RARB: variants seen among roughly 807,000 people sequenced by gnomAD.
RARB encodes HBV-activated protein.
In RARB, 17 loss-of-function variants were observed where a neutral mutation model predicts 51.9. That is an observed-to-expected ratio of 0.33 (90% CI 0.22 to 0.49). The LOEUF (loss-of-function observed/expected upper bound fraction) is 0.49, where lower values mean the gene tolerates loss of function less well. RARB is among the 20% of genes least tolerant of loss of function. The pLI, the probability that RARB is intolerant of heterozygous loss-of-function variation, is 0.99. For missense variants in RARB, 369 were observed against 550.8 expected (o/e 0.67, Z 3.30); for synonymous variants, 215 against 195.4 (o/e 1.10, Z -0.84).
intron 5 of RARB, among the ~76,000 whole-genome samples, chr3:25,589,001 C>A (rs1026843270): frequency 1.3e-5 from 2 of 152,196 alleles, no homozygotes. Flanking sequence ...TTAAGCTCCA[C>A]CCCTTAAAGG....
intron 1 of RARB, among the ~76,000 whole-genome samples, chr3:24,844,180 A>G (rs1009116275): frequency 4.6e-5 from 7 of 152,176 alleles, no homozygotes; most frequent in Admixed American, 3.3e-4. Flanking sequence ...ACCCTTGCCC[A>G]ATGGGGAGGA....
intron 2 of RARB, among the ~76,000 whole-genome samples, chr3:24,859,036 CAA>C (rs1169235713): frequency 0.15 from 7,274 of 49,296 alleles, 53 homozygotes; most frequent in Non-Finnish European, 0.19. Flanking sequence ...GACTCTGTCT[CAA>C]AAAAAAAAAA....
chr3:24,896,346 G>A (rs1703478721), intron 2 of RARB, among the ~76,000 whole-genome samples: 1 of 152,120 alleles, frequency 6.6e-6, no homozygotes, highest in Non-Finnish European at 1.5e-5. Context: ...TGCAACCTCT[G>A]TCTTCCAGGT....
At chr3:25,171,400 T>C (rs1700641861) in intron 4 of RARB, among the ~76,000 whole-genome samples, 2 of 146,480 alleles carry the variant, frequency 1.4e-5, no homozygotes, top group Admixed American at 6.9e-5. Flanking sequence ...GCTCAGACAA[T>C]TTTCCACCAA....
rs138722302 is a variant in RARB at position 25,202,598 on chromosome 3, G to A, written c.178+28023G>A. On this transcript the variant is annotated intron_variant, in intron 5 of 11. Coordinates refer to the RARB transcript ENST00000383772. Reference sequence around the variant, plus strand: ...GTGCTATAAATTTCCCTCTACACACGGCTTTAAATGTGTCCCAGAGATTCT... The same window carrying A: ...GTGCTATAAATTTCCCTCTACACACAGCTTTAAATGTGTCCCAGAGATTCT... 4.3e-3 allele frequency among the ~76,000 whole-genome samples: 656 copies of A among 152,114 alleles called. 3 individuals are homozygous for A. The highest frequency in any genetic ancestry group is 0.015 in the African/African-American group (624 of 41,532).
At chr3:25,315,624 C>CT (rs1270497837) in intron 5 of RARB, among the ~76,000 whole-genome samples, 1 of 151,950 alleles carries the variant, frequency 6.6e-6, no homozygotes, top group South Asian at 2.1e-4. Flanking sequence ...CTCTGTTAAT[C>CT]TTTTTTTGAG....
chr3:25,575,594 A>G (rs937007872), intron 4 of RARB, among the ~76,000 whole-genome samples: 2 of 152,050 alleles, frequency 1.3e-5, no homozygotes, highest in Non-Finnish European at 2.9e-5. Flanking sequence ...CATGACACCA[A>G]TCCTCCGTCT....
intron 5 of RARB, among the ~76,000 whole-genome samples, chr3:25,280,195 G>T (rs919858939): frequency 1.3e-5 from 2 of 152,160 alleles, no homozygotes; most frequent in African/African-American, 2.4e-5. Flanking sequence ...GGACAAGAGG[G>T]TATAATCTAA....
At chr3:25,219,585 G>A (rs896717118) in intron 5 of RARB, among the ~76,000 whole-genome samples, 1 of 152,150 alleles carries the variant, frequency 6.6e-6, no homozygotes, top group African/African-American at 2.4e-5. Context: ...CTTTGTTGCT[G>A]TTTGATCACA....
chr3:25,197,155 T>A (rs1701264530), intron 5 of RARB, among the ~76,000 whole-genome samples: 1 of 152,188 alleles, frequency 6.6e-6, no homozygotes, highest in Non-Finnish European at 1.5e-5. Flanking sequence ...GCCTATGTCC[T>A]GAATGGTATT....
chr3:25,454,911 G>A (rs1694837538), intron 1 of RARB, among the ~76,000 whole-genome samples: 1 of 152,224 alleles, frequency 6.6e-6, no homozygotes, highest in East Asian at 1.9e-4. Flanking sequence ...AGGCAGCAAT[G>A]TTAATTTCTT....
intron 4 of RARB, among the ~76,000 whole-genome samples, chr3:25,133,439 C>T (rs1699983495): frequency 1.3e-5 from 2 of 152,074 alleles, no homozygotes; most frequent in South Asian, 4.1e-4. Flanking sequence ...ACAATCTCAT[C>T]AGCACCCTGG....
At chr3:25,010,376 C>T (rs934327293) in intron 2 of RARB, among the ~76,000 whole-genome samples, 1 of 152,064 alleles carries the variant, frequency 6.6e-6, no homozygotes, top group Admixed American at 6.6e-5. Context: ...TTTATAACTG[C>T]ATGCACAAAA....
At chr3:24,975,424 G>T (rs948631873) in intron 2 of RARB, among the ~76,000 whole-genome samples, 3 of 152,036 alleles carry the variant, frequency 2.0e-5, no homozygotes. Flanking sequence ...TATAATCCCT[G>T]CCTTCAAAGA....
intron 3 of RARB, among the ~76,000 whole-genome samples, chr3:25,547,665 C>A (rs1267030531): frequency 6.6e-6 from 1 of 151,914 alleles, no homozygotes; most frequent in African/African-American, 2.4e-5. Context: ...ATCAATGAAC[C>A]CCCAAGTTGG....
Position 25,327,692 on chromosome 3 carries a change from A to G in RARB, c.179-133501A>G, listed in dbSNP as rs572084359. Reference sequence around the variant, plus strand: ...GGATTCATGAAACTAAGTGACCAACATAAATCAGAAATGTAAAGCAATAAT... The same window carrying G: ...GGATTCATGAAACTAAGTGACCAACGTAAATCAGAAATGTAAAGCAATAAT... On this transcript the variant is annotated intron_variant, in intron 5 of 11. Coordinates refer to the RARB transcript ENST00000383772. Among the ~76,000 whole-genome samples the G allele has an allele frequency of 2.6e-5, 4 of 152,342 alleles. No homozygotes were observed. In the South Asian group the frequency reaches 8.3e-4, roughly 32 times the overall value.
intron 5 of RARB, among the ~76,000 whole-genome samples, chr3:25,235,406 G>T (rs1476883684): frequency 2.6e-5 from 4 of 152,076 alleles, no homozygotes; most frequent in Non-Finnish European, 5.9e-5. Flanking sequence ...TTCAGAATTT[G>T]GGGGATATTT....
intron 5 of RARB, among the ~76,000 whole-genome samples, chr3:25,286,025 G>C (rs541613414): frequency 6.6e-6 from 1 of 150,978 alleles, no homozygotes; most frequent in Non-Finnish European, 1.5e-5. Context: ...TGTGTCAGTC[G>C]GAGGCTGTTA....
intron 5 of RARB, among the ~76,000 whole-genome samples, chr3:25,376,666 C>T (rs1706469956): frequency 1.3e-5 from 2 of 152,206 alleles, no homozygotes; most frequent in Admixed American, 1.3e-4. Context: ...TTTCTGTTGG[C>T]ATTAATGGAC....
Sources: allele counts gnomAD v4.1 joint callset (sites outside exome capture counted in the v4.1 genomes callset), GRCh38; gene constraint gnomAD v4.1.1; transcripts MANE v1.5; gene names NCBI Gene and HGNC (gene_info 2026-07-23, HGNC 2026-07-21).